The following JMJD1C variants were observed in gnomAD, a reference collection of about 807,000 sequenced individuals.
JMJD1C encodes jumonji domain containing 1C.
JMJD1C carries 31 observed loss-of-function variants against 245.3 expected under a neutral mutation model. The observed-to-expected ratio is 0.13, with a 90% CI of 0.09 to 0.17. The LOEUF is 0.17. Ranked by LOEUF, JMJD1C falls within the 10% of genes least tolerant of loss-of-function variation. The pLI is 1.00. For missense variants in JMJD1C, 2,691 were observed against 3,000.2 expected (o/e 0.90, Z 2.41); for synonymous variants, 1,057 against 1,017.4 (o/e 1.04, Z -0.74).
At chr10:63,474,543 C>T (rs535345387) in intron 1 of JMJD1C, among the ~76,000 whole-genome samples, 57 of 152,050 alleles carry the variant, frequency 3.7e-4, no homozygotes, top group African/African-American at 1.3e-3. Context: ...ACCCACCTCC[C>T]GGGCTCAAGC....
chr10:63,328,730 C>CAT (rs1941808775), intron 2 of JMJD1C, among the ~76,000 whole-genome samples: 1 of 152,170 alleles, frequency 6.6e-6, no homozygotes, highest in Non-Finnish European at 1.5e-5. Flanking sequence ...ATACCTGGAA[C>CAT]ATACTATAAT....
intron 3 of JMJD1C, among the ~76,000 whole-genome samples, chr10:63,254,586 G>T (rs962622503): frequency 5.3e-5 from 8 of 152,094 alleles, no homozygotes; most frequent in Non-Finnish European, 1.2e-4. Context: ...TGTCACCCAG[G>T]CTAGATTGCA....
At position 63,207,327 on chromosome 10, in the gene JMJD1C, ATTCTT is replaced by A; in HGVS notation, c.4337_4341del (p.Gln1446LeufsTer14). ...ACTGGTGCTGTGGTGCTGACCTTGCATTCTTGTTTTTGAGCCACTGGCTGACTGAC... is the reference window on the plus strand; with the variant it reads ...ACTGGTGCTGTGGTGCTGACCTTGCAGTTTTTGAGCCACTGGCTGACTGAC... On this transcript the variant is annotated frameshift_variant, in exon 10 of 26. Coordinates refer to ENST00000399262, the MANE Select transcript of JMJD1C (RefSeq NM_032776.3). LOFTEE classifies it high-confidence loss of function. The A allele has an allele frequency of 1.2e-6, 2 of 1,613,620 alleles. No homozygotes were observed. Among genetic ancestry groups the A allele is most frequent in the Non-Finnish European group, 1.7e-6 (2 of 1,179,974 alleles).
intron 3 of JMJD1C, among the ~76,000 whole-genome samples, chr10:63,245,070 C>T (rs1381665883): frequency 7.5e-6 from 1 of 133,148 alleles, no homozygotes; most frequent in Admixed American, 8.8e-5. Flanking sequence ...AGAGGTGGAG[C>T]TTGCAGTGAG....
At chr10:63,278,121 A>G (rs1856999372) in intron 2 of JMJD1C, among the ~76,000 whole-genome samples, 1 of 152,042 alleles carries the variant, frequency 6.6e-6, no homozygotes, top group Admixed American at 6.6e-5. Flanking sequence ...TTTTATCAAG[A>G]CAACCTACAA....
In JMJD1C at chr10:63,214,072, T is replaced by C. The variant is rs922756971; in HGVS notation, c.2095A>G (p.Thr699Ala). ...TTATCAATGATAAGAGGACTCTTTG[T>C]AGTTTCTAATGTACTGCTTCGAGTA... ...IPTRSSTLET[T>A]KSPLIIDKNE... The change falls in exon 8 of 26, where the codon ACA becomes GCA. Residue 699 changes from threonine (T) to alanine (A), a missense_variant. By Grantham distance (58) the Thr-to-Ala change is moderately conservative. Coordinates refer to ENST00000399262, the MANE Select transcript of JMJD1C (RefSeq NM_032776.3). 2.0e-5 allele frequency: 32 copies of C among 1,613,980 alleles called. No individual in the cohort carries two copies. Among genetic ancestry groups the C allele is most frequent in the Non-Finnish European group, 2.3e-5 (27 of 1,179,924 alleles).
intron 1 of JMJD1C, among the ~76,000 whole-genome samples, chr10:63,510,595 T>G (rs1488875794): frequency 6.6e-6 from 1 of 152,248 alleles, no homozygotes; most frequent in Non-Finnish European, 1.5e-5. Context: ...TGTTAAGGTT[T>G]GTTTTATGGC....
At position 63,484,236 on chromosome 10, in the gene JMJD1C, GGATAGATA is replaced by G. The variant is rs142291507; in HGVS notation, n.113+37494_113+37501del. 3.0e-3 allele frequency among the ~76,000 whole-genome samples: 277 copies of G among 92,742 alleles called. 1 individual carries two copies. The highest frequency in any genetic ancestry group is 6.3e-3 in the African/African-American group (201 of 32,034). The allele number at this position is 92,742 out of a possible 152,430, so 60.8% of individuals were successfully genotyped here. ...TGGATGGATGGATGGATGGATGGAT[GGATAGATA>G]GATAGATAGATAGATAGATAGATAG... On this transcript the variant is annotated intron_variant and non_coding_transcript_variant, in intron 1 of 3. Transcript: ENST00000633035.
At chr10:63,401,045 G>A (rs1411368206) in intron 1 of JMJD1C, among the ~76,000 whole-genome samples, 1 of 150,388 alleles carries the variant, frequency 6.6e-6, no homozygotes, top group Non-Finnish European at 1.5e-5. Flanking sequence ...TTTTAGTAGA[G>A]ACGAAGTTTC....
At chr10:63,475,876 ATC>A (rs1302708187) in intron 1 of JMJD1C, among the ~76,000 whole-genome samples, 14 of 152,200 alleles carry the variant, frequency 9.2e-5, no homozygotes, top group African/African-American at 3.1e-4. Context: ...TTTGCAGCAA[ATC>A]AATCCCCATC....
At chr10:63,430,283 G>T (rs916669048) in intron 1 of JMJD1C, among the ~76,000 whole-genome samples, 3 of 152,170 alleles carry the variant, frequency 2.0e-5, no homozygotes, top group Admixed American at 2.0e-4. Flanking sequence ...ATTGAGTTGG[G>T]CAATGGTTTC....
chr10:63,336,728 C>G lies in JMJD1C; in HGVS notation c.333+43590G>C, dbSNP rs143582028. Among the ~76,000 whole-genome samples the G allele has an allele frequency of 2.7e-3, 418 of 152,252 alleles. 3 individuals carry two copies. The highest frequency in any genetic ancestry group is 9.5e-3 in the African/African-American group (394 of 41,524). ...CACACAAATCCTATATTAGAAAACCCTGACAATCCGATATCAACTTGTCAT... is the reference window on the plus strand; with the variant it reads ...CACACAAATCCTATATTAGAAAACCGTGACAATCCGATATCAACTTGTCAT... On this transcript the variant is annotated intron_variant, in intron 2 of 25. Transcript: ENST00000399262.
At chr10:63,446,903 A>AGC (rs1414095937) in intron 1 of JMJD1C, among the ~76,000 whole-genome samples, 1 of 152,198 alleles carries the variant, frequency 6.6e-6, no homozygotes, top group Non-Finnish European at 1.5e-5. Context: ...AAGCCAAAGA[A>AGC]GCCAAAGATA....
At chr10:63,334,339 C>A (rs1334033179) in intron 2 of JMJD1C, among the ~76,000 whole-genome samples, 1 of 152,084 alleles carries the variant, frequency 6.6e-6, no homozygotes, top group Non-Finnish European at 1.5e-5. Flanking sequence ...TCAAATCATA[C>A]CACCTTAATG....
chr10:63,198,759 CCCACATATTA>C (rs1845708605), intron 11 of JMJD1C, 32 bp from the exon 12 acceptor site: 1 of 1,284,806 alleles, frequency 7.8e-7, no homozygotes, highest in South Asian at 1.4e-5. Flanking sequence ...GTATTAGGTA[CCCACATATTA>C]AAACATAAGT....
At chr10:63,462,010 T>G (rs1952830666) in intron 1 of JMJD1C, among the ~76,000 whole-genome samples, 1 of 152,082 alleles carries the variant, frequency 6.6e-6, no homozygotes, top group Non-Finnish European at 1.5e-5. Context: ...TCTAGAAAAA[T>G]TCCTCAAAAA....
chr10:63,351,576 C>G (rs1001706976), intron 2 of JMJD1C, among the ~76,000 whole-genome samples: 1 of 152,106 alleles, frequency 6.6e-6, no homozygotes, highest in Non-Finnish European at 1.5e-5. Flanking sequence ...ACCCTGAGAG[C>G]ATTTGCTGAA....
rs569899845 is a variant in JMJD1C, at chr10:63,387,379, A to G, written c.169-6897T>C. On this transcript the variant is annotated intron_variant, in intron 1 of 25. Coordinates refer to ENST00000399262, the MANE Select transcript of JMJD1C (RefSeq NM_032776.3). The stretch of plus-strand genomic sequence containing the variant: ...TCTTGGAATTGAAAATATTGATACT[A>G]AAGTATTCTGTTACACTGAGACACA... 4.6e-5 allele frequency among the ~76,000 whole-genome samples: 7 copies of G among 152,260 alleles called. No individual in the cohort carries two copies. The South Asian group carries it at 8.3e-4, about 18-fold the overall frequency.
chr10:63,353,220 T>C (rs760397470), intron 2 of JMJD1C, among the ~76,000 whole-genome samples: 2 of 152,136 alleles, frequency 1.3e-5, no homozygotes, highest in Non-Finnish European at 2.9e-5. Context: ...GAGAGAACAG[T>C]ATATGCAATA....
Sources: gnomAD v4.1 joint callset for allele counts (sites outside exome capture counted in the v4.1 genomes callset) on GRCh38, gnomAD v4.1.1 for gene constraint, MANE v1.5 for transcripts, NCBI Gene and HGNC (gene_info 2026-07-23, HGNC 2026-07-21) for gene names.